SLC24A3: variants seen among roughly 807,000 people sequenced by gnomAD.
SLC24A3 encodes the protein sodium/potassium/calcium exchanger 3.
In SLC24A3, 28 loss-of-function variants were observed where a neutral mutation model predicts 75.8. The observed-to-expected ratio is 0.37, with a 90% CI of 0.27 to 0.51. SLC24A3 has a LOEUF of 0.51. Among genes scored for constraint, SLC24A3 ranks in the 20% least tolerant of loss-of-function variants. SLC24A3 has a pLI of 0.94. For synonymous variants in SLC24A3, 372 were observed against 334.1 expected (o/e 1.11, Z -1.24); for missense variants, 663 against 847.8 (o/e 0.78, Z 2.71).
At position 19,545,381 on chromosome 20, in the gene SLC24A3, G is replaced by A. The variant is rs559757439; in HGVS notation, c.348+29817G>A. On this transcript the variant is annotated intron_variant, in intron 3 of 16. Transcript: ENST00000328041. ...CTCCTCTTCAGAGGTGCTCCCCCTG[G>A]AGTCAGCTGGCCTGGCATCCGCACT... 2.0e-5 allele frequency among the ~76,000 whole-genome samples: 3 copies of A among 152,330 alleles called. No homozygotes were observed. The South Asian group carries it at 6.2e-4, about 32-fold the overall frequency.
At chr20:19,510,552 C>T (rs530441069) in intron 2 of SLC24A3, among the ~76,000 whole-genome samples, 5 of 152,298 alleles carry the variant, frequency 3.3e-5, no homozygotes, top group African/African-American at 7.2e-5. Context: ...GAAGCCCTAA[C>T]CCCCAAAATG....
chr20:19,631,250 T>C (rs1600311037), intron 6 of SLC24A3, among the ~76,000 whole-genome samples: 1 of 152,250 alleles, frequency 6.6e-6, no homozygotes, highest in Non-Finnish European at 1.5e-5. Context: ...ACCCAGCTAC[T>C]TGGGAGACTG....
At chr20:19,426,623 C>T (rs1464047816) in intron 2 of SLC24A3, among the ~76,000 whole-genome samples, 1 of 152,160 alleles carries the variant, frequency 6.6e-6, no homozygotes, top group Non-Finnish European at 1.5e-5. Flanking sequence ...GATGTATTTT[C>T]GAGGTAAACT....
intron 3 of SLC24A3, among the ~76,000 whole-genome samples, chr20:19,576,484 T>C (rs1600286789): frequency 6.6e-6 from 1 of 152,058 alleles, no homozygotes; most frequent in South Asian, 2.1e-4. Context: ...CACCGTCAGG[T>C]GCCAGGAAGG....
rs560921102 is a variant in SLC24A3, at chr20:19,377,899, T to G, written c.271+96812T>G. 5.4e-3 allele frequency among the ~76,000 whole-genome samples: 816 copies of G among 152,304 alleles called. 3 individuals carry two copies. Among genetic ancestry groups the G allele is most frequent in the African/African-American group, 0.019 (785 of 41,552 alleles). On this transcript the variant is annotated intron_variant, in intron 2 of 16. Transcript: ENST00000328041. ...CCAAATCTGCTCAATCACATTTTTG[T>G]AAGTAAAGTTGTATTGGGACACAGC...
chr20:19,564,159 G>T (rs1343925917), intron 3 of SLC24A3, among the ~76,000 whole-genome samples: 3 of 152,198 alleles, frequency 2.0e-5, no homozygotes, highest in South Asian at 4.1e-4. Context: ...CTCCCACAGG[G>T]TATGGCACTG....
intron 1 of SLC24A3, among the ~76,000 whole-genome samples, chr20:19,239,960 C>T (rs530469323): frequency 2.6e-5 from 4 of 152,118 alleles, no homozygotes; most frequent in Non-Finnish European, 4.4e-5. Context: ...CTGCGGTTGT[C>T]CTGAGTCTTT....
intron 2 of SLC24A3, among the ~76,000 whole-genome samples, chr20:19,317,593 T>A (rs1385151813): frequency 6.6e-6 from 1 of 151,988 alleles, no homozygotes; most frequent in Non-Finnish European, 1.5e-5. Flanking sequence ...CAGCTTCCCA[T>A]CCCCCGCCCC....
At chr20:19,432,649 G>C (rs1026417947) in intron 2 of SLC24A3, among the ~76,000 whole-genome samples, 3 of 152,196 alleles carry the variant, frequency 2.0e-5, no homozygotes, top group African/African-American at 7.2e-5. Context: ...ACCTGGGTGA[G>C]AGTCAGGTAA....
At chr20:19,635,929 A>G (rs969753266) in intron 6 of SLC24A3, among the ~76,000 whole-genome samples, 1 of 152,158 alleles carries the variant, frequency 6.6e-6, no homozygotes, top group Non-Finnish European at 1.5e-5. Context: ...TCACAAGGTC[A>G]GGAGATCGAG....
chr20:19,394,617 T>A (rs559023112), intron 2 of SLC24A3, among the ~76,000 whole-genome samples: 2 of 152,268 alleles, frequency 1.3e-5, no homozygotes, highest in South Asian at 4.2e-4. Context: ...AAATGCTCCA[T>A]GTCACCAGTC....
chr20:19,465,627 T>C (rs1382582378), intron 2 of SLC24A3, among the ~76,000 whole-genome samples: 1 of 152,166 alleles, frequency 6.6e-6, no homozygotes, highest in East Asian at 1.9e-4. Flanking sequence ...AAACAAGTTA[T>C]GTTATCTCTG....
chr20:19,366,469 G>T (rs893827440), intron 2 of SLC24A3, among the ~76,000 whole-genome samples: 12 of 152,108 alleles, frequency 7.9e-5, no homozygotes, highest in African/African-American at 2.9e-4. Context: ...ATGGGCTTTT[G>T]AGCACATTTG....
chr20:19,378,253 A>G (rs1241538683), intron 2 of SLC24A3, among the ~76,000 whole-genome samples: 1 of 151,822 alleles, frequency 6.6e-6, no homozygotes, highest in Non-Finnish European at 1.5e-5. Flanking sequence ...CAGATCTACA[A>G]CAGTGCACAG....
chr20:19,324,688 T>C (rs1344670946), intron 2 of SLC24A3, among the ~76,000 whole-genome samples: 1 of 152,226 alleles, frequency 6.6e-6, no homozygotes, highest in Non-Finnish European at 1.5e-5. Flanking sequence ...TTAGGCTATG[T>C]CTATAGAATA....
chr20:19,260,421 C>T (rs747604212), intron 1 of SLC24A3, among the ~76,000 whole-genome samples: 4 of 152,194 alleles, frequency 2.6e-5, no homozygotes, highest in Non-Finnish European at 5.9e-5. Flanking sequence ...CTCAGCATGG[C>T]AAATATTATG....
At chr20:19,678,455 G>A (rs1393827898) in intron 9 of SLC24A3, among the ~76,000 whole-genome samples, 11 of 132,894 alleles carry the variant, frequency 8.3e-5, no homozygotes, top group African/African-American at 2.6e-4. Context: ...GCGGCTGGCC[G>A]GGCGGGGGGC....
chr20:19,655,195 G>T (rs933921440), intron 7 of SLC24A3, among the ~76,000 whole-genome samples: 3 of 152,152 alleles, frequency 2.0e-5, no homozygotes, highest in African/African-American at 7.2e-5. Context: ...GCAGTTCATT[G>T]CGGGTCAGTG....
intron 2 of SLC24A3, among the ~76,000 whole-genome samples, chr20:19,438,536 A>G (rs547527544): frequency 3.1e-4 from 47 of 151,896 alleles, no homozygotes; most frequent in South Asian, 1.5e-3. Context: ...TAGGTAGTGT[A>G]GACACCAAGC....
Sources: gnomAD v4.1 joint callset for allele counts (sites outside exome capture counted in the v4.1 genomes callset) on GRCh38, gnomAD v4.1.1 for gene constraint, MANE v1.5 for transcripts, NCBI Gene and HGNC (gene_info 2026-07-23, HGNC 2026-07-21) for gene names.